Variants in TRAF3IP1 observed in about 807,000 individuals in gnomAD.
The protein encoded by TRAF3IP1 is TRAF3-interacting protein 1.
TRAF3IP1 carries 53 observed loss-of-function variants against 89.9 expected under a neutral mutation model. The ratio of observed to expected loss-of-function variants is 0.59; its 90% CI spans 0.47 to 0.74. The LOEUF (loss-of-function observed/expected upper bound fraction) is 0.74. Ranked by LOEUF, TRAF3IP1 falls within the 30% of genes least tolerant of loss-of-function variation. The pLI, the probability that TRAF3IP1 is intolerant of heterozygous loss-of-function variation, is 0.00. For synonymous variants in TRAF3IP1, 311 were observed against 322.1 expected (o/e 0.97, Z 0.37); for missense variants, 806 against 866.1 (o/e 0.93, Z 0.87).
chr2:238,340,411 C>T (rs28476469), intron 8 of TRAF3IP1, among the ~76,000 whole-genome samples: 125 of 152,308 alleles, frequency 8.2e-4, no homozygotes, highest in Middle Eastern at 3.4e-3. Context: ...CTGACCCGGC[C>T]CTCGTGAGCC....
intron 12 of TRAF3IP1, among the ~76,000 whole-genome samples, chr2:238,349,780 T>C (rs1052869378): frequency 6.6e-6 from 1 of 152,168 alleles, no homozygotes; most frequent in Non-Finnish European, 1.5e-5. Context: ...ATCAAAATGT[T>C]ATAAGCAGGC....
At chr2:238,346,855 C>A (rs1343879755) in intron 9 of TRAF3IP1, among the ~76,000 whole-genome samples, 1 of 152,260 alleles carries the variant, frequency 6.6e-6, no homozygotes, top group Non-Finnish European at 1.5e-5. Context: ...TCACCCCACC[C>A]CTGTGGTGCC....
chr2:238,387,814 C>T (rs539011622), intron 15 of TRAF3IP1, among the ~76,000 whole-genome samples: 1 of 152,312 alleles, frequency 6.6e-6, no homozygotes, highest in East Asian at 1.9e-4. Flanking sequence ...GGCATGATGG[C>T]TCATGCCTGT....
intron 7 of TRAF3IP1, among the ~76,000 whole-genome samples, chr2:238,337,831 A>T (rs1236831318): frequency 6.6e-6 from 1 of 152,186 alleles, no homozygotes; most frequent in Non-Finnish European, 1.5e-5. Context: ...GTTGGACAAC[A>T]AATTTGAGAT....
intron 15 of TRAF3IP1, among the ~76,000 whole-genome samples, chr2:238,388,370 G>A (rs1176028281): frequency 5.4e-5 from 5 of 92,320 alleles, no homozygotes; most frequent in African/African-American, 1.8e-4. Context: ...GGGAGACCCT[G>A]TCTCAAAAAA....
At position 238,353,154 on chromosome 2, in the gene TRAF3IP1, C is replaced by A; in HGVS notation, c.1576-19C>A. The A allele has an allele frequency of 6.2e-7, 1 of 1,614,068 alleles. No individual in the cohort carries two copies. The highest frequency in any genetic ancestry group is 8.5e-7 in the Non-Finnish European group (1 of 1,179,986). On this transcript the variant is annotated intron_variant, in intron 13 of 16. Transcript: ENST00000373327. Reference sequence around the variant, plus strand: ...CAACAAGCCTGAATCTTCTTTTTCCCCCTTCCTTTCCTGCTCAGGTAACAG... The same window carrying A: ...CAACAAGCCTGAATCTTCTTTTTCCACCTTCCTTTCCTGCTCAGGTAACAG...
intron 8 of TRAF3IP1, among the ~76,000 whole-genome samples, chr2:238,340,370 A>C (rs926192078): frequency 1.3e-5 from 2 of 152,096 alleles, no homozygotes; most frequent in Non-Finnish European, 2.9e-5. Context: ...AGAAAAGTCC[A>C]TGTTGTCAAA....
At chr2:238,343,781 A>G (rs1222053412) in intron 8 of TRAF3IP1, among the ~76,000 whole-genome samples, 1 of 151,530 alleles carries the variant, frequency 6.6e-6, no homozygotes, top group Non-Finnish European at 1.5e-5. Flanking sequence ...CCTCCTGAGT[A>G]GCTGGGACTA....
At chr2:238,377,964 G>C (rs1700387061) in intron 15 of TRAF3IP1, among the ~76,000 whole-genome samples, 1 of 152,116 alleles carries the variant, frequency 6.6e-6, no homozygotes, top group Admixed American at 6.5e-5. Context: ...AAAAGCTCTT[G>C]CTAGAACTCT....
chr2:238,365,482 G>A (rs1392885998), intron 15 of TRAF3IP1, among the ~76,000 whole-genome samples: 2 of 152,080 alleles, frequency 1.3e-5, no homozygotes, highest in Admixed American at 6.6e-5. Context: ...GCAACATAGC[G>A]AGACACCATC....
At chr2:238,356,728 G>A (rs1246260490) in intron 15 of TRAF3IP1, among the ~76,000 whole-genome samples, 1 of 152,060 alleles carries the variant, frequency 6.6e-6, no homozygotes, top group East Asian at 1.9e-4. Flanking sequence ...TTTGCAGACT[G>A]GGAGGCTGGC....
At chr2:238,383,206 G>C (rs1452148806) in intron 15 of TRAF3IP1, among the ~76,000 whole-genome samples, 3 of 152,150 alleles carry the variant, frequency 2.0e-5, no homozygotes, top group East Asian at 1.9e-4. Context: ...CTACCACCCA[G>C]ACTGTGTGGG....
intron 3 of TRAF3IP1, 61 bp downstream of exon 3, chr2:238,326,031 G>T (rs1051421462): frequency 9.7e-6 from 15 of 1,546,970 alleles, no homozygotes; most frequent in East Asian, 2.3e-5. Context: ...GTAGTCGGGG[G>T]TGAGGGACTC....
intron 1 of TRAF3IP1, among the ~76,000 whole-genome samples, chr2:238,321,228 G>A (rs1351093782): frequency 1.3e-5 from 2 of 152,222 alleles, no homozygotes; most frequent in African/African-American, 4.8e-5. Context: ...TTTCCTTAGA[G>A]TGCATCTTCC....
intron 1 of TRAF3IP1, among the ~76,000 whole-genome samples, chr2:238,324,161 G>A (rs1396395067): frequency 6.6e-6 from 1 of 152,018 alleles, no homozygotes; most frequent in Non-Finnish European, 1.5e-5. Flanking sequence ...TCCACCTCCC[G>A]GGTTCAAACA....
chr2:238,349,840 C>T (rs555974934), intron 12 of TRAF3IP1, among the ~76,000 whole-genome samples: 7 of 152,264 alleles, frequency 4.6e-5, no homozygotes, highest in Non-Finnish European at 7.4e-5. Flanking sequence ...GAGGCCGAGG[C>T]GGGCGGATGG....
chr2:238,329,309 G>A lies in TRAF3IP1; in HGVS notation c.882G>A (p.Glu294=). ...NGEHSWDLDR[E]KNREHDKPEK... ...AGCACTCCTGGGACCTGGACAGGGA[G>A]AAGAACAGAGAGCATGACAAACCTG... The change falls in exon 5 of 17, where the codon GAG becomes GAA. Residue 294 remains glutamate (E), a synonymous_variant. Coordinates refer to ENST00000373327, the MANE Select transcript of TRAF3IP1 (RefSeq NM_015650.4). 1 of 1,421,206 alleles carries A rather than the reference G, an allele frequency of 7.0e-7. No individual in the cohort carries two copies. 88.0% of individuals were successfully genotyped at this position (1,421,206 alleles called of 1,614,324 possible).
intron 15 of TRAF3IP1, 121 bp from the exon 16 acceptor site, chr2:238,397,338 C>T: frequency 1.3e-6 from 1 of 793,310 alleles, no homozygotes; most frequent in Non-Finnish European, 2.1e-6. Context: ...GTCCCACAAC[C>T]AGCACTGTCT....
chr2:238,334,105 A>T, intron 7 of TRAF3IP1, 70 bp downstream of exon 7: 2 of 1,180,668 alleles, frequency 1.7e-6, no homozygotes, highest in Non-Finnish European at 2.4e-6. Flanking sequence ...CTTAATCTCA[A>T]TGTCTAGTAG....
Sources: allele counts gnomAD v4.1 joint callset (sites outside exome capture counted in the v4.1 genomes callset), GRCh38; gene constraint gnomAD v4.1.1; transcripts MANE v1.5; gene names NCBI Gene and HGNC (gene_info 2026-07-23, HGNC 2026-07-21).